The following KCNH1 variants were observed in gnomAD, a reference collection of about 807,000 sequenced individuals.
KCNH1 encodes voltage-gated delayed rectifier potassium channel KCNH1.
A neutral mutation model predicts 69.2 loss-of-function variants in KCNH1; 27 were observed. The observed-to-expected ratio is 0.39, with a 90% CI of 0.29 to 0.54. The LOEUF (loss-of-function observed/expected upper bound fraction) is 0.54. KCNH1 is among the 20% of genes least tolerant of loss of function. KCNH1 has a pLI of 0.68. For synonymous variants in KCNH1, 456 were observed against 487.7 expected (o/e 0.93, Z 0.86); for missense variants, 798 against 1,261.6 (o/e 0.63, Z 5.57).
In KCNH1 at chr1:210,683,876, T is replaced by C. The variant is rs1375348530; in HGVS notation, c.2375A>G (p.Glu792Gly). The change falls in exon 11 of 11, where the codon GAG becomes GGG. Residue 792 changes from glutamate to glycine, a missense_variant. By Grantham distance (98) the Glu-to-Gly change is moderately conservative. Around this residue, in one of 4 missense-constraint regions of KCNH1, gnomAD observed 331 missense variants for 363.2 expected, o/e 0.91. Coordinates refer to ENST00000271751, the MANE Select transcript of KCNH1 (RefSeq NM_172362.3). The surrounding 1 kb of genome is among the most constrained non-coding windows in gnomAD (Gnocchi z 5.7). ...LVKASVVTVR[E>G]SPATPVSFQA... The stretch of plus-strand genomic sequence containing the variant: ...GAAGGATACGGGCGTGGCAGGACTC[T>C]CACGCACGGTGACCACGCTGGCCTT... 1 of 1,613,990 alleles carries C rather than the reference T, an allele frequency of 6.2e-7. No homozygotes were observed. The highest frequency in any genetic ancestry group is 2.2e-5 in the East Asian group (1 of 44,886).
At chr1:210,690,382 G>A (rs539521109) in intron 10 of KCNH1, among the ~76,000 whole-genome samples, 1 of 152,142 alleles carries the variant, frequency 6.6e-6, no homozygotes, top group Non-Finnish European at 1.5e-5. Context: ...TGCTGGTGCT[G>A]ACTCAGGCAC....
intron 8 of KCNH1, among the ~76,000 whole-genome samples, chr1:210,801,227 C>G (rs1255257425): frequency 6.6e-6 from 1 of 152,184 alleles, no homozygotes; most frequent in Non-Finnish European, 1.5e-5. Context: ...AAGTGATATG[C>G]TCAAAGTCAC....
intron 10 of KCNH1, among the ~76,000 whole-genome samples, chr1:210,768,744 A>C (rs993530691): frequency 6.6e-6 from 1 of 152,220 alleles, no homozygotes; most frequent in Non-Finnish European, 1.5e-5. Flanking sequence ...AAAAATAGCC[A>C]GACATAGCCT....
chr1:210,978,419 C>A (rs756726745), intron 6 of KCNH1, among the ~76,000 whole-genome samples: 1 of 152,152 alleles, frequency 6.6e-6, no homozygotes, highest in Non-Finnish European at 1.5e-5. Context: ...GTCTGCTAAA[C>A]CCAACATCTG....
chr1:211,077,448 A>G (rs1317736147), intron 5 of KCNH1, among the ~76,000 whole-genome samples: 1 of 152,202 alleles, frequency 6.6e-6, no homozygotes, highest in Non-Finnish European at 1.5e-5. Context: ...AGTGGGGGCC[A>G]ATATTCAACA....
chr1:210,996,389 G>C (rs1235964850), intron 6 of KCNH1, among the ~76,000 whole-genome samples: 1 of 152,210 alleles, frequency 6.6e-6, no homozygotes, highest in African/African-American at 2.4e-5. Flanking sequence ...CTCATTGCTA[G>C]CACAGCAGTC....
At chr1:211,067,001 C>T (rs918390168) in intron 5 of KCNH1, among the ~76,000 whole-genome samples, 4 of 145,172 alleles carry the variant, frequency 2.8e-5, no homozygotes, top group South Asian at 2.2e-4. Flanking sequence ...GGCTTCCTCA[C>T]GGGGAAGGTT....
chr1:210,723,369 G>T (rs1385552662), intron 10 of KCNH1, among the ~76,000 whole-genome samples: 2 of 152,100 alleles, frequency 1.3e-5, no homozygotes, highest in Non-Finnish European at 2.9e-5. Context: ...GGAGTCAATT[G>T]TGGCAGCCAT....
chr1:210,938,134 G>A (rs1687807465), intron 6 of KCNH1, among the ~76,000 whole-genome samples: 2 of 152,258 alleles, frequency 1.3e-5, no homozygotes, highest in Admixed American at 1.3e-4. Flanking sequence ...AATGTGCTCT[G>A]GGTCTATAAT....
chr1:210,868,499 A>G (rs1686165176), intron 7 of KCNH1, among the ~76,000 whole-genome samples: 1 of 151,908 alleles, frequency 6.6e-6, no homozygotes, highest in African/African-American at 2.4e-5. Context: ...AAAAACTTCT[A>G]GTTTTACAGT....
rs183291796 is a variant in KCNH1, at chr1:210,927,952, A to G, written c.1033-7883T>C. Among the ~76,000 whole-genome samples, 20 of 152,224 alleles carry G rather than the reference A, an allele frequency of 1.3e-4. No individual in the cohort carries two copies. The East Asian group carries it at 3.7e-3, about 28-fold the overall frequency. ...AACAAACTTTAAAGAAACAGCAGCT[A>G]AAAAAAGACAAAGGGGGCACCACAT... On this transcript the variant is annotated intron_variant, in intron 6 of 10. Transcript: ENST00000271751.
chr1:210,920,171 ATG>A, intron 6 of KCNH1, 102 bp from the exon 7 acceptor site: 1 of 976,618 alleles, frequency 1.0e-6, no homozygotes. Context: ...GTGTATTTCC[ATG>A]AGATGCAATT....
intron 6 of KCNH1, among the ~76,000 whole-genome samples, chr1:210,968,012 G>A (rs1034119468): frequency 6.8e-6 from 1 of 147,680 alleles, no homozygotes; most frequent in Admixed American, 6.9e-5. Flanking sequence ...TGCTATCCCC[G>A]CCCCCTCCCA....
chr1:210,988,672 T>C (rs184171235), intron 6 of KCNH1, among the ~76,000 whole-genome samples: 3 of 152,240 alleles, frequency 2.0e-5, no homozygotes, highest in East Asian at 3.9e-4. Flanking sequence ...AGAATTGGAA[T>C]TGGATTATGT....
intron 6 of KCNH1, among the ~76,000 whole-genome samples, chr1:210,963,043 T>C (rs1431931867): frequency 6.6e-6 from 1 of 151,804 alleles, no homozygotes; most frequent in African/African-American, 2.4e-5. Context: ...GAACTTTTCT[T>C]TAAAAAAGTA....
intron 8 of KCNH1, among the ~76,000 whole-genome samples, chr1:210,799,196 C>T (rs1333900295): frequency 6.6e-6 from 1 of 151,986 alleles, no homozygotes; most frequent in Non-Finnish European, 1.5e-5. Context: ...TAATTTAATC[C>T]TCCCACAAAC....
At chr1:211,124,538 G>T (rs1053321658) in intron 1 of KCNH1, among the ~76,000 whole-genome samples, 1 of 152,078 alleles carries the variant, frequency 6.6e-6, no homozygotes, top group African/African-American at 2.4e-5. Context: ...CAGCTGCTCA[G>T]AAGGCTAAGC....
At chr1:211,056,695 A>C (rs1241275440) in intron 5 of KCNH1, among the ~76,000 whole-genome samples, 1 of 152,168 alleles carries the variant, frequency 6.6e-6, no homozygotes, top group Non-Finnish European at 1.5e-5. Flanking sequence ...TCGGCACAGA[A>C]AGAGACACTC....
chr1:210,799,163 T>G (rs1165865653), intron 8 of KCNH1, among the ~76,000 whole-genome samples: 1 of 152,168 alleles, frequency 6.6e-6, no homozygotes. Flanking sequence ...GATTTTACAT[T>G]TTAAACTGTT....
Sources: allele counts gnomAD v4.1 joint callset (sites outside exome capture counted in the v4.1 genomes callset), GRCh38; gene constraint gnomAD v4.1.1; regional missense constraint gnomAD v4.1.1; non-coding constraint Gnocchi (gnomAD v3.1); transcripts MANE v1.5; gene names NCBI Gene and HGNC (gene_info 2026-07-23, HGNC 2026-07-21).